GLRA1: variants seen among roughly 807,000 people sequenced by gnomAD.
GLRA1 encodes the protein glycine receptor alpha 1, also known as glycine receptor subunit alpha-1.
Under a neutral mutation model 48.3 loss-of-function variants are expected in GLRA1, and 37 were observed. The observed-to-expected ratio is 0.77, with a 90% CI of 0.59 to 1.01. The LOEUF is 1.01. Among genes scored for constraint, GLRA1 ranks in the 50% least tolerant of loss-of-function variants. The pLI is 0.00. For missense variants in GLRA1, 427 were observed against 571.0 expected (o/e 0.75, Z 2.57); for synonymous variants, 196 against 210.7 (o/e 0.93, Z 0.60).
intron 1 of GLRA1, among the ~76,000 whole-genome samples, chr5:151,916,431 C>T (rs527962887): frequency 6.3e-4 from 96 of 152,338 alleles, no homozygotes; most frequent in Middle Eastern, 3.4e-3. Context: ...CAGCAATAAA[C>T]ACGCAGCTCT....
intron 1 of GLRA1, among the ~76,000 whole-genome samples, chr5:151,904,036 G>C (rs1023098666): frequency 1.3e-5 from 2 of 152,296 alleles, no homozygotes; most frequent in South Asian, 4.1e-4. Context: ...CTGTGGTTTA[G>C]TATAAGCTTC....
At chr5:151,860,199 A>T (rs973540634) in intron 3 of GLRA1, among the ~76,000 whole-genome samples, 191 bp from the exon 4 acceptor site, 3 of 152,144 alleles carry the variant, frequency 2.0e-5, no homozygotes, top group Admixed American at 6.5e-5. Flanking sequence ...TACTCCTGAA[A>T]ATCCTCTAAA....
chr5:151,838,708 G>C (rs1763636102), intron 7 of GLRA1, among the ~76,000 whole-genome samples: 1 of 152,144 alleles, frequency 6.6e-6, no homozygotes, highest in East Asian at 1.9e-4. Context: ...ATGTTTAATA[G>C]GAATTTGCAG....
At chr5:151,883,609 T>C (rs895189111) in intron 3 of GLRA1, among the ~76,000 whole-genome samples, 7 of 152,242 alleles carry the variant, frequency 4.6e-5, no homozygotes, top group African/African-American at 1.7e-4. Context: ...AGAGCATGAA[T>C]GTGAAAATGT....
At chr5:151,886,377 G>T (rs1053067527) in intron 3 of GLRA1, among the ~76,000 whole-genome samples, 1 of 152,124 alleles carries the variant, frequency 6.6e-6, no homozygotes. Context: ...TGTATAACCA[G>T]CAGTCTTCTG....
intron 3 of GLRA1, among the ~76,000 whole-genome samples, chr5:151,863,073 G>GA (rs1182663516): frequency 5.3e-5 from 8 of 152,052 alleles, no homozygotes; most frequent in Admixed American, 1.3e-4. Context: ...CTCAATAGCA[G>GA]AAAACTGGGT....
At chr5:151,839,991 C>A (rs935063421) in intron 7 of GLRA1, among the ~76,000 whole-genome samples, 3 of 151,556 alleles carry the variant, frequency 2.0e-5, no homozygotes, top group Non-Finnish European at 2.9e-5. Flanking sequence ...TTAGATGTTT[C>A]TAAAATAAGA....
rs951464602 is a variant in GLRA1, at chr5:151,892,456, A to C, written c.57-18T>G. 1 of 1,613,734 alleles carries C rather than the reference A, an allele frequency of 6.2e-7. No homozygotes were observed. Among genetic ancestry groups the C allele is most frequent in the South Asian group, 1.1e-5 (1 of 91,060 alleles). ...CAGCAAGGCTAAGGAGGAAGAGAGG[A>C]GAGCAAAAGGTTAATGATGGCTCTT... On this transcript the variant is annotated intron_variant, in intron 1 of 8. Coordinates refer to ENST00000274576, the MANE Select transcript of GLRA1 (RefSeq NM_000171.4).
intron 3 of GLRA1, among the ~76,000 whole-genome samples, chr5:151,863,200 T>G (rs1753248016): frequency 6.6e-6 from 1 of 152,088 alleles, no homozygotes; most frequent in Non-Finnish European, 1.5e-5. Flanking sequence ...CCCAGGAGTT[T>G]GAGACTAGCC....
Position 151,828,932 on chromosome 5 carries a change from T to C in GLRA1, c.1048A>G (p.Arg350Gly). The C allele has an allele frequency of 1.2e-6, 2 of 1,614,106 alleles. No homozygotes were observed. Among genetic ancestry groups the C allele is most frequent in the South Asian group, 1.1e-5 (1 of 91,072 alleles). ...ACCCAAAGGCCTACCTTGTGATGTC[T>C]CCGCTTCCTCCTGAATCGGAGCAGC... is the stretch of plus-strand genomic sequence containing the variant. ...KELLRFRRKR[R>G]HHKEDEAGEG... The change falls in exon 8 of 9, where the codon AGA becomes GGA. Residue 350 changes from arginine (R) to glycine (G), a missense_variant. Coordinates refer to ENST00000274576, the MANE Select transcript of GLRA1 (RefSeq NM_000171.4).
chr5:151,890,985 G>A (rs1355467683), intron 2 of GLRA1, among the ~76,000 whole-genome samples: 3 of 152,198 alleles, frequency 2.0e-5, no homozygotes, highest in Non-Finnish European at 4.4e-5. Flanking sequence ...AGAGCTGTGC[G>A]GAGCAAGCAC....
intron 7 of GLRA1, among the ~76,000 whole-genome samples, chr5:151,829,563 C>G (rs1479620101): frequency 1.3e-5 from 2 of 152,152 alleles, no homozygotes; most frequent in Non-Finnish European, 2.9e-5. Flanking sequence ...TCAGCTGAAT[C>G]TTAATAAGAA....
chr5:151,907,228 G>A (rs144527247), intron 1 of GLRA1, among the ~76,000 whole-genome samples: 6 of 152,070 alleles, frequency 3.9e-5, no homozygotes, highest in Admixed American at 3.9e-4. Flanking sequence ...CCAAGAAGCT[G>A]GTATACAGAA....
intron 7 of GLRA1, chr5:151,849,088 CTTTTTATTTCTTTTCTT>C: frequency 3.2e-6 from 1 of 314,158 alleles, no homozygotes; most frequent in Admixed American, 4.5e-5. Flanking sequence ...CTTTTCTTTC[CTTTTTATTTCTTTTCTT>C]TTCTTTCTTT....
intron 8 of GLRA1, among the ~76,000 whole-genome samples, chr5:151,823,658 A>G (rs988642490): frequency 6.6e-6 from 1 of 152,166 alleles, no homozygotes; most frequent in Admixed American, 6.5e-5. Flanking sequence ...GATTTTTACT[A>G]AGTTTTCATT....
chr5:151,924,111 A>C (rs1303036710), intron 1 of GLRA1, among the ~76,000 whole-genome samples: 1 of 152,224 alleles, frequency 6.6e-6, no homozygotes, highest in Non-Finnish European at 1.5e-5. Context: ...GGGAGAATGC[A>C]GTCCTAATTA....
chr5:151,826,602 G>A (rs185062859), intron 8 of GLRA1, among the ~76,000 whole-genome samples: 1 of 152,282 alleles, frequency 6.6e-6, no homozygotes, highest in East Asian at 1.9e-4. Context: ...GGAGTGGATA[G>A]GGTGATTGCT....
chr5:151,822,527 C>G lies in GLRA1; in HGVS notation c.*146G>C, dbSNP rs1208589119. ...GTGCCACATTGTAAAATTCATGCATCACTGCATTTTGCTATTGCACATATT... is the reference window on the plus strand; with the variant it reads ...GTGCCACATTGTAAAATTCATGCATGACTGCATTTTGCTATTGCACATATT... On this transcript the variant is annotated 3_prime_UTR_variant, in exon 9 of 9. Coordinates refer to ENST00000274576, the MANE Select transcript of GLRA1 (RefSeq NM_000171.4). 4.6e-6 allele frequency: 3 copies of G among 653,438 alleles called. No homozygotes were observed. Among genetic ancestry groups the G allele is most frequent in the Non-Finnish European group, 8.5e-6 (3 of 353,000 alleles). 40.5% of individuals were successfully genotyped at this position (653,438 alleles called of 1,614,324 possible). A position where few individuals can be genotyped will look rare whatever the true frequency, so the allele number is the denominator to read the frequency against.
In GLRA1 at chr5:151,859,962, C is replaced by T. The variant is rs281864914; in HGVS notation, c.299G>A (p.Arg100His). The change falls in exon 4 of 9, where the codon CGC becomes CAC. Residue 100 changes from arginine to histidine, a missense_variant. Coordinates refer to ENST00000274576, the MANE Select transcript of GLRA1 (RefSeq NM_000171.4). ...IFLRQQWNDP[R>H]LAYNEYPDDS... ...GTCAGGGTATTCATTATAGGCCAGGCGGGGGTCGTTCCATTGCTGCCGCAG... is the reference window on the plus strand; with the variant it reads ...GTCAGGGTATTCATTATAGGCCAGGTGGGGGTCGTTCCATTGCTGCCGCAG... The T allele has an allele frequency of 2.6e-5, 42 of 1,613,932 alleles. No homozygotes were observed. Among genetic ancestry groups the T allele is most frequent in the Non-Finnish European group, 3.3e-5 (39 of 1,179,990 alleles).
Sources: allele counts gnomAD v4.1 joint callset (sites outside exome capture counted in the v4.1 genomes callset), GRCh38; gene constraint gnomAD v4.1.1; transcripts MANE v1.5; gene names NCBI Gene and HGNC (gene_info 2026-07-23, HGNC 2026-07-21).